CLEC4D: variants seen among roughly 807,000 people sequenced by gnomAD.
CLEC4D encodes the protein C-type lectin domain family 4 member D, also known as C-type (calcium dependent, carbohydrate-recognition domain) lectin, superfamily member 8.
Under a neutral mutation model 21.1 loss-of-function variants are expected in CLEC4D, and 21 were observed. That is an observed-to-expected ratio of 1.00 (90% confidence interval 0.71 to 1.43). The LOEUF (loss-of-function observed/expected upper bound fraction) is 1.43. Among genes scored for constraint, CLEC4D ranks in the 40% most tolerant of loss-of-function variants. CLEC4D has a pLI of 0.00. For missense variants in CLEC4D, 289 were observed against 260.7 expected (o/e 1.11, Z -0.75); for synonymous variants, 85 against 83.1 (o/e 1.02, Z -0.12).
downstream of CLEC4D, among the ~76,000 whole-genome samples, chr12:8,522,569 C>A (rs1940471837): frequency 6.6e-6 from 1 of 152,026 alleles, no homozygotes; most frequent in East Asian, 1.9e-4. Flanking sequence ...AAAGCTGATA[C>A]TTTTAGCTGA....
downstream of CLEC4D, among the ~76,000 whole-genome samples, chr12:8,523,248 T>C: frequency 1.3e-5 from 2 of 152,174 alleles, 1 homozygote; most frequent in South Asian, 4.1e-4. Context: ...TCAACAGTAG[T>C]TTGATGGGAA....
chr12:8,520,150 C>A, intron 4 of CLEC4D, 76 bp from the exon 5 acceptor site: 2 of 1,558,774 alleles, frequency 1.3e-6, no homozygotes, highest in Admixed American at 1.8e-5. Flanking sequence ...ATCTAGTTGA[C>A]ATATTTCCTC....
chr12:8,519,127 C>A lies in CLEC4D; in HGVS notation c.351C>A (p.Ala117=). ...AAAGGAACTGTTCAGGGATGGGGGC[C>A]CATCTGATGACCATCAGCACGGAAG... ...ESERNCSGMG[A]HLMTISTEAE... Residue 117 remains alanine, a synonymous_variant, in exon 4 of 6, where the codon GCC becomes GCA. Transcript: ENST00000299665. 5.0e-6 allele frequency: 8 copies of A among 1,613,906 alleles called. No individual in the cohort carries two copies. Among genetic ancestry groups the A allele is most frequent in the Non-Finnish European group, 6.8e-6 (8 of 1,179,910 alleles).
chr12:8,516,606 AT>A (rs1229167755), intron 2 of CLEC4D, among the ~76,000 whole-genome samples: 1 of 152,220 alleles, frequency 6.6e-6, no homozygotes, highest in Non-Finnish European at 1.5e-5. Flanking sequence ...ACTACTAAAT[AT>A]TGATGATGCC....
downstream of CLEC4D, chr12:8,522,510 TTTGA>T (rs1468562329): frequency 1.8e-4 from 28 of 152,454 alleles, no homozygotes; most frequent in African/African-American, 6.5e-4. Context: ...AATACTGGTG[TTTGA>T]TTGTGTGGTG....
At chr12:8,517,807 G>C (rs1455393340) in intron 2 of CLEC4D, among the ~76,000 whole-genome samples, 1 of 152,040 alleles carries the variant, frequency 6.6e-6, no homozygotes. Flanking sequence ...TTAGCCGGAC[G>C]TGGTGGCGGG....
intron 1 of CLEC4D, among the ~76,000 whole-genome samples, chr12:8,514,910 G>A (rs1411397021): frequency 6.6e-6 from 1 of 152,010 alleles, no homozygotes; most frequent in African/African-American, 2.4e-5. Context: ...CCTTTCATAC[G>A]TTCCTTGACT....
At position 8,515,344 on chromosome 12, in the gene CLEC4D, A is replaced by G; in HGVS notation, c.121+16A>G. The G allele has an allele frequency of 9.6e-7, 1 of 1,044,066 alleles. No homozygotes were observed. Among genetic ancestry groups the G allele is most frequent in the South Asian group, 1.3e-5 (1 of 79,896 alleles). 64.7% of individuals were successfully genotyped at this position (1,044,066 alleles called of 1,614,324 possible). ...AGTTGTTTGGGTAAGTTATTAGCCAAAGTAGAACTCTTCTTGAATTATTAT... is the reference window on the plus strand; with the variant it reads ...AGTTGTTTGGGTAAGTTATTAGCCAGAGTAGAACTCTTCTTGAATTATTAT... On this transcript the variant is annotated intron_variant, in intron 2 of 5. Coordinates refer to ENST00000299665, the MANE Select transcript of CLEC4D (RefSeq NM_080387.5).
chr12:8,517,667 C>A lies in CLEC4D; in HGVS notation c.122-497C>A, dbSNP rs185388247. 3.2e-3 allele frequency among the ~76,000 whole-genome samples: 489 copies of A among 152,242 alleles called. 2 individuals carry two copies. Among genetic ancestry groups the A allele is most frequent in the African/African-American group, 0.011 (447 of 41,536 alleles). On this transcript the variant is annotated intron_variant, in intron 2 of 5. Transcript: ENST00000299665. ...CTTCTCCCGTAAAGAACAAAACGGG[C>A]CGGACGCGGTGGCTCACGCCTGTAA... is the stretch of plus-strand genomic sequence containing the variant.
Position 8,513,748 on chromosome 12 carries a change from C to A in CLEC4D, c.16C>A (p.Pro6Thr). 1 of 1,141,294 alleles carries A rather than the reference C, an allele frequency of 8.8e-7. No homozygotes were observed. The highest frequency in any genetic ancestry group is 1.3e-6 in the Non-Finnish European group (1 of 750,980). 70.7% of individuals were successfully genotyped at this position (1,141,294 alleles called of 1,614,324 possible). A position where few individuals can be genotyped will look rare whatever the true frequency, so the allele number is the denominator to read the frequency against. Residue 6 changes from proline to threonine, a missense_variant, in exon 1 of 6, where the codon CCT (proline) becomes ACT (threonine). By Grantham distance (38) the Pro-to-Thr change is conservative (BLOSUM62 -1). Transcript: ENST00000299665. ...TAATTAGACAATGGGGCTAGAAAAACCTCAAAGTAAACGTGAGTACTTTCT... is the reference window on the plus strand; with the variant it reads ...TAATTAGACAATGGGGCTAGAAAAAACTCAAAGTAAACGTGAGTACTTTCT... Reference protein sequence around the residue: MGLEKPQSKLEGGMHP... With the variant: MGLEKTQSKLEGGMHP...
intron 5 of CLEC4D, 113 bp downstream of exon 5, chr12:8,520,454 C>T: frequency 7.0e-7 from 1 of 1,429,260 alleles, no homozygotes; most frequent in Non-Finnish European, 9.2e-7. Flanking sequence ...AGAGAGACCA[C>T]TGTAGGTTGA....
chr12:8,519,168 G>T lies in CLEC4D; in HGVS notation c.384+8G>T. 6.2e-7 allele frequency: 1 copy of T among 1,610,896 alleles called. No individual in the cohort carries two copies. Among genetic ancestry groups the T allele is most frequent in the South Asian group, 1.1e-5 (1 of 90,500 alleles). ...AGCACGGAAGCTGAGCAGGTGTGTT[G>T]GGAGGATCACATCAGTTTCTCTGCT... On this transcript the variant is annotated splice_region_variant and intron_variant, in intron 4 of 5. Coordinates refer to ENST00000299665, the MANE Select transcript of CLEC4D (RefSeq NM_080387.5).
chr12:8,514,726 C>T (rs1016198036), intron 1 of CLEC4D, among the ~76,000 whole-genome samples: 4 of 152,108 alleles, frequency 2.6e-5, no homozygotes, highest in African/African-American at 9.7e-5. Flanking sequence ...AGTTATACCA[C>T]AATCTTTTCG....
chr12:8,521,078 G>A (rs1194685616), intron 5 of CLEC4D, 46 bp from the exon 6 acceptor site: 2 of 1,584,250 alleles, frequency 1.3e-6, no homozygotes, highest in Non-Finnish European at 8.6e-7. Context: ...AATCTACATT[G>A]TCTATATATA....
chr12:8,518,396 T>A, intron 3 of CLEC4D, 122 bp downstream of exon 3: 1 of 584,470 alleles, frequency 1.7e-6, no homozygotes, highest in Non-Finnish European at 3.1e-6. Flanking sequence ...GAATCTGGCA[T>A]CGGAGTAAAT....
chr12:8,516,281 A>T (rs1268810163), intron 2 of CLEC4D, among the ~76,000 whole-genome samples: 1 of 152,260 alleles, frequency 6.6e-6, no homozygotes, highest in African/African-American at 2.4e-5. Flanking sequence ...CATTAAAATG[A>T]GTTACTGTAC....
chr12:8,526,676 A>C (rs10161057), downstream of CLEC4D, among the ~76,000 whole-genome samples: 41,628 of 151,964 alleles, frequency 0.27, 6,576 homozygotes, highest in African/African-American at 0.44. Context: ...TCTTCTATAG[A>C]TTACTTCTAT....
rs57066899 is a variant in CLEC4D, at chr12:8,514,188, GA to G, written c.28+430del. On this transcript the variant is annotated intron_variant, in intron 1 of 5. Transcript: ENST00000299665. ...AAATAATATTTTTGATAGATATATA[GA>G]ACAAGTGTGGAAATGTTTAAATTAA... Among the ~76,000 whole-genome samples, 590 of 152,060 alleles carry G rather than the reference GA, an allele frequency of 3.9e-3. 23 individuals are homozygous for G. In the East Asian group the frequency reaches 0.078, roughly 20 times the overall value.
In CLEC4D at chr12:8,519,099, G is replaced by A; in HGVS notation, c.323G>A (p.Ser108Asn). 2 of 1,614,184 alleles carry A rather than the reference G, an allele frequency of 1.2e-6. No homozygotes were observed. The highest frequency in any genetic ancestry group is 1.7e-6 in the Non-Finnish European group (2 of 1,180,016). The change falls in exon 4 of 6, where the codon AGT (serine) becomes AAT (asparagine). Residue 108 changes from serine to asparagine, a missense_variant. Coordinates refer to ENST00000299665, the MANE Select transcript of CLEC4D (RefSeq NM_080387.5). Reference sequence around the variant, plus strand: ...ACTGACAACAAGACGTGGGCTGAGAGTGAAAGGAACTGTTCAGGGATGGGG... The same window carrying A: ...ACTGACAACAAGACGTGGGCTGAGAATGAAAGGAACTGTTCAGGGATGGGG... ...PLTDNKTWAE[S>N]ERNCSGMGAH...
Sources: gnomAD v4.1 joint callset for allele counts (sites outside exome capture counted in the v4.1 genomes callset) on GRCh38, gnomAD v4.1.1 for gene constraint, MANE v1.5 for transcripts, NCBI Gene and HGNC (gene_info 2026-07-23, HGNC 2026-07-21) for gene names.